NRXN1: variants seen among roughly 807,000 people sequenced by gnomAD.
NRXN1 encodes the protein neurexin 1, also known as neurexin-1.
In NRXN1, 39 loss-of-function variants were observed where a neutral mutation model predicts 150.9. The observed-to-expected ratio is 0.26, with a 90% CI of 0.20 to 0.34. The LOEUF is 0.34. Among genes scored for constraint, NRXN1 ranks in the 10% least tolerant of loss-of-function variants. NRXN1 has a pLI of 1.00. For synonymous variants in NRXN1, 924 were observed against 757.0 expected (o/e 1.22, Z -3.62); for missense variants, 1,815 against 1,949.9 (o/e 0.93, Z 1.30).
chr2:50,806,786 A>C (rs1667571634), intron 5 of NRXN1, among the ~76,000 whole-genome samples: 2 of 152,020 alleles, frequency 1.3e-5, no homozygotes. Flanking sequence ...CTAAAGTTTT[A>C]TATTGTTTCT....
chr2:50,729,776 T>A (rs572515601), intron 5 of NRXN1, among the ~76,000 whole-genome samples: 2 of 152,262 alleles, frequency 1.3e-5, no homozygotes, highest in African/African-American at 4.8e-5. Context: ...CTCCCTGACA[T>A]CTCTATTCAT....
chr2:50,769,411 T>C (rs779594121), intron 5 of NRXN1, among the ~76,000 whole-genome samples: 3 of 152,112 alleles, frequency 2.0e-5, no homozygotes, highest in Non-Finnish European at 2.9e-5. Context: ...TCTGAGTATA[T>C]TATTCATAGA....
chr2:50,139,186 C>A (rs916321392), intron 18 of NRXN1, among the ~76,000 whole-genome samples: 1 of 151,924 alleles, frequency 6.6e-6, no homozygotes, highest in East Asian at 1.9e-4. Context: ...ATTAGCCGGG[C>A]GTGGTGGCGT....
rs1006711789 is a variant in NRXN1 at position 49,952,721 on chromosome 2, C to G, written c.4129-8930G>C. 3.3e-5 allele frequency among the ~76,000 whole-genome samples: 5 copies of G among 152,060 alleles called. No individual in the cohort carries two copies. In the South Asian group the frequency reaches 1.0e-3, roughly 31 times the overall value. ...CTACAAAATTAAATCAATGAACTCC[C>G]TGCTCTCTTCTCATTAAGCCACTGA... On this transcript the variant is annotated intron_variant, in intron 21 of 22. Transcript: ENST00000401669.
At chr2:50,100,645 G>T (rs997379052) in intron 18 of NRXN1, among the ~76,000 whole-genome samples, 2 of 151,922 alleles carry the variant, frequency 1.3e-5, no homozygotes, top group Admixed American at 6.6e-5. Flanking sequence ...AAGCCTTTTC[G>T]TGATACTTCC....
At chr2:50,590,395 C>T (rs551328399) in intron 8 of NRXN1, among the ~76,000 whole-genome samples, 22 of 152,200 alleles carry the variant, frequency 1.4e-4, no homozygotes, top group South Asian at 4.1e-4. Flanking sequence ...AATGCCACTG[C>T]GTCTATGAAA....
intron 5 of NRXN1, among the ~76,000 whole-genome samples, chr2:50,793,883 C>T (rs1706418264): frequency 6.6e-6 from 1 of 151,978 alleles, no homozygotes; most frequent in South Asian, 2.1e-4. Flanking sequence ...AATTTAGCAG[C>T]TTATATTTCA....
At chr2:50,871,048 T>G (rs544984778) in intron 5 of NRXN1, among the ~76,000 whole-genome samples, 47 of 152,056 alleles carry the variant, frequency 3.1e-4, no homozygotes, top group African/African-American at 8.7e-4. Flanking sequence ...TTAAAATTAT[T>G]TGAAAGTTTC....
chr2:50,109,359 CT>C (rs746956476), intron 18 of NRXN1, among the ~76,000 whole-genome samples: 4 of 151,978 alleles, frequency 2.6e-5, no homozygotes, highest in Non-Finnish European at 4.4e-5. Flanking sequence ...CAGTTGCCTT[CT>C]CAATTTTCTA....
intron 17 of NRXN1, among the ~76,000 whole-genome samples, chr2:50,431,077 C>A (rs2084926074): frequency 6.6e-6 from 1 of 152,136 alleles, no homozygotes; most frequent in Non-Finnish European, 1.5e-5. Context: ...TTTTTAAAAT[C>A]TCATCCTCAT....
At chr2:50,793,880 C>A (rs1057084178) in intron 5 of NRXN1, among the ~76,000 whole-genome samples, 10 of 151,986 alleles carry the variant, frequency 6.6e-5, no homozygotes, top group Non-Finnish European at 1.2e-4. Flanking sequence ...CAAAATTTAG[C>A]AGCTTATATT....
chr2:49,949,202 C>A (rs1474509057), intron 21 of NRXN1, among the ~76,000 whole-genome samples: 1 of 151,784 alleles, frequency 6.6e-6, no homozygotes, highest in African/African-American at 2.4e-5. Context: ...TGATTTAATA[C>A]CCAGGGATAT....
At chr2:50,157,753 T>C (rs550782518) in intron 18 of NRXN1, among the ~76,000 whole-genome samples, 26 of 152,016 alleles carry the variant, frequency 1.7e-4, no homozygotes, top group African/African-American at 6.3e-4. Flanking sequence ...GGGCAGTCTG[T>C]AGTGAGAAAA....
At chr2:50,243,477 A>T (rs2066220203) in intron 17 of NRXN1, among the ~76,000 whole-genome samples, 1 of 151,784 alleles carries the variant, frequency 6.6e-6, no homozygotes, top group Non-Finnish European at 1.5e-5. Context: ...CTACTTATTA[A>T]GTCAAATGCA....
intron 21 of NRXN1, among the ~76,000 whole-genome samples, chr2:49,977,469 T>A (rs1679184999): frequency 6.6e-6 from 1 of 152,246 alleles, no homozygotes; most frequent in Admixed American, 6.5e-5. Context: ...AACCATGTTC[T>A]AAATGCTAAA....
intron 17 of NRXN1, among the ~76,000 whole-genome samples, chr2:50,371,191 T>C (rs1169367369): frequency 3.3e-5 from 5 of 152,048 alleles, no homozygotes; most frequent in Non-Finnish European, 5.9e-5. Flanking sequence ...GGGCATTCTT[T>C]AACTTCCACT....
chr2:50,473,062 T>C (rs1423165960), intron 15 of NRXN1, among the ~76,000 whole-genome samples: 1 of 151,908 alleles, frequency 6.6e-6, no homozygotes, highest in Non-Finnish European at 1.5e-5. Context: ...AAATTTCTTC[T>C]TGTATCTAAA....
chr2:50,535,579 T>G (rs1177687985), intron 10 of NRXN1, among the ~76,000 whole-genome samples: 1 of 152,220 alleles, frequency 6.6e-6, no homozygotes, highest in Non-Finnish European at 1.5e-5. Context: ...AGAATAATTT[T>G]TATATGATCA....
intron 18 of NRXN1, among the ~76,000 whole-genome samples, chr2:50,099,285 C>T (rs1700693752): frequency 6.6e-6 from 1 of 152,074 alleles, no homozygotes; most frequent in Non-Finnish European, 1.5e-5. Flanking sequence ...TGGTGTATTC[C>T]TCATTGTATC....
Sources: gnomAD v4.1 joint callset for allele counts (sites outside exome capture counted in the v4.1 genomes callset) on GRCh38, gnomAD v4.1.1 for gene constraint, MANE v1.5 for transcripts, NCBI Gene and HGNC (gene_info 2026-07-23, HGNC 2026-07-21) for gene names.